The following SLC7A1 variants were observed in gnomAD, a reference collection of about 807,000 sequenced individuals.
SLC7A1 encodes the protein solute carrier family 7 member 1.
Under a neutral mutation model 53.9 loss-of-function variants are expected in SLC7A1, and 10 were observed. That is an observed-to-expected ratio of 0.19 (90% CI 0.11 to 0.31). The LOEUF (loss-of-function observed/expected upper bound fraction) is 0.31. Ranked by LOEUF, SLC7A1 falls within the 10% of genes least tolerant of loss-of-function variation. SLC7A1 has a pLI of 1.00. For synonymous variants in SLC7A1, 342 were observed against 338.7 expected (o/e 1.01, Z -0.11); for missense variants, 525 against 827.2 (o/e 0.63, Z 4.48).
chr13:29,550,659 T>TTCA (rs1870137394), intron 2 of SLC7A1, among the ~76,000 whole-genome samples: 1 of 152,108 alleles, frequency 6.6e-6, no homozygotes, highest in Admixed American at 6.5e-5. Context: ...CCTGAGGGAA[T>TTCA]GTGGAAGAGG....
chr13:29,576,582 A>T (rs1341511785), intron 1 of SLC7A1, among the ~76,000 whole-genome samples: 1 of 152,212 alleles, frequency 6.6e-6, no homozygotes, highest in East Asian at 1.9e-4. Context: ...GGGACAGGAC[A>T]GGATGTCTGG....
intron 1 of SLC7A1, among the ~76,000 whole-genome samples, chr13:29,582,765 C>A (rs1463125579): frequency 6.6e-6 from 1 of 152,138 alleles, no homozygotes; most frequent in Non-Finnish European, 1.5e-5. Flanking sequence ...TTTAAAGATA[C>A]CCACAGTATG....
At chr13:29,577,560 A>G (rs985604878) in intron 1 of SLC7A1, among the ~76,000 whole-genome samples, 1 of 152,142 alleles carries the variant, frequency 6.6e-6, no homozygotes, top group Non-Finnish European at 1.5e-5. Flanking sequence ...GGAAATCTGA[A>G]ATTTGTCTCC....
At chr13:29,561,654 T>TTTTCTGTTCAA (rs1474797163) in intron 1 of SLC7A1, among the ~76,000 whole-genome samples, 8 of 152,194 alleles carry the variant, frequency 5.3e-5, no homozygotes, top group African/African-American at 1.9e-4. Flanking sequence ...AGGAGAGTGA[T>TTTTCTGTTCAA]GGAGGACAGA....
intron 1 of SLC7A1, among the ~76,000 whole-genome samples, chr13:29,594,562 CTCT>C (rs1285662366): frequency 2.0e-5 from 3 of 152,214 alleles, no homozygotes; most frequent in Non-Finnish European, 4.4e-5. Flanking sequence ...TTTAGAATGA[CTCT>C]GACCTGCCCA....
At chr13:29,562,737 G>C (rs1197332529) in intron 1 of SLC7A1, among the ~76,000 whole-genome samples, 7 of 152,088 alleles carry the variant, frequency 4.6e-5, no homozygotes, top group Non-Finnish European at 8.8e-5. Context: ...CAATCCCTGA[G>C]GCAGCAATAA....
At chr13:29,537,423 G>C (rs1252074923) in intron 2 of SLC7A1, among the ~76,000 whole-genome samples, 2 of 152,232 alleles carry the variant, frequency 1.3e-5, no homozygotes, top group Non-Finnish European at 2.9e-5. Context: ...AGGAAAGTCT[G>C]AGAAATGTCA....
chr13:29,544,997 G>A (rs1009387358), intron 2 of SLC7A1, among the ~76,000 whole-genome samples: 1 of 151,892 alleles, frequency 6.6e-6, no homozygotes, highest in African/African-American at 2.4e-5. Flanking sequence ...AGTATTGACA[G>A]GACCACAGCA....
intron 2 of SLC7A1, among the ~76,000 whole-genome samples, chr13:29,546,686 C>G (rs1286022648): frequency 6.6e-6 from 1 of 152,202 alleles, no homozygotes; most frequent in Non-Finnish European, 1.5e-5. Flanking sequence ...ACTTCTCCCC[C>G]AGTCTCCCCA....
intron 8 of SLC7A1, among the ~76,000 whole-genome samples, chr13:29,521,701 C>T (rs1478284923): frequency 6.6e-6 from 1 of 152,176 alleles, no homozygotes; most frequent in Admixed American, 6.5e-5. Context: ...ATCTGGGGCC[C>T]TGGAACACCT....
intron 1 of SLC7A1, among the ~76,000 whole-genome samples, chr13:29,590,779 T>C (rs1047159642): frequency 1.7e-4 from 26 of 152,158 alleles, no homozygotes; most frequent in African/African-American, 4.6e-4. Context: ...CTTGGTAAAA[T>C]GAGAGAGCGA....
At chr13:29,576,095 T>C (rs888655266) in intron 1 of SLC7A1, among the ~76,000 whole-genome samples, 35 of 151,832 alleles carry the variant, frequency 2.3e-4, no homozygotes, top group Non-Finnish European at 1.0e-4. Context: ...TGAGAATAGC[T>C]TGGAGAACAT....
chr13:29,527,694 C>G (rs116051392), intron 5 of SLC7A1, among the ~76,000 whole-genome samples: 1 of 152,118 alleles, frequency 6.6e-6, no homozygotes. Flanking sequence ...CTCAGCTGGT[C>G]GCTCAGAAGC....
intron 5 of SLC7A1, among the ~76,000 whole-genome samples, chr13:29,528,492 G>A (rs749728107): frequency 1.3e-5 from 2 of 152,164 alleles, no homozygotes; most frequent in Non-Finnish European, 2.9e-5. Flanking sequence ...GTGGTCTCAC[G>A]GCCTCCCATG....
chr13:29,538,571 G>C lies in SLC7A1; in HGVS notation c.-14-2369C>G, dbSNP rs149996117. ...TGGCACTAGGGAGGAGGAGGAGCAGGAACCAAGGACCTAGTGCTGCTGGGA... is the reference window on the plus strand; with the variant it reads ...TGGCACTAGGGAGGAGGAGGAGCAGCAACCAAGGACCTAGTGCTGCTGGGA... On this transcript the variant is annotated intron_variant, in intron 2 of 12. Coordinates refer to ENST00000380752, the MANE Select transcript of SLC7A1 (RefSeq NM_003045.5). 3.3e-3 allele frequency among the ~76,000 whole-genome samples: 509 copies of C among 152,316 alleles called. 1 individual carries two copies. Among genetic ancestry groups the C allele is most frequent in the African/African-American group, 0.012 (488 of 41,568 alleles).
chr13:29,573,456 T>A (rs1293186286), intron 1 of SLC7A1, among the ~76,000 whole-genome samples: 1 of 151,868 alleles, frequency 6.6e-6, no homozygotes, highest in African/African-American at 2.4e-5. Context: ...GATGGGGAGG[T>A]GCAATTCTAG....
chr13:29,535,988 G>T lies in SLC7A1; in HGVS notation c.201C>A (p.Val67=), dbSNP rs1357698342. 6.2e-7 allele frequency: 1 copy of T among 1,614,020 alleles called. No individual in the cohort carries two copies. The highest frequency in any genetic ancestry group is 8.5e-7 in the Non-Finnish European group (1 of 1,180,048). The change falls in exon 3 of 13, where the codon GTC becomes GTA. Residue 67 remains valine (V), a synonymous_variant. Transcript: ENST00000380752. ...CCAGCGCAGCGATCAGGAAGGAGATGACAATGGCAGGGCCTGCATTCTCAC... is the reference window on the plus strand; with the variant it reads ...CCAGCGCAGCGATCAGGAAGGAGATTACAATGGCAGGGCCTGCATTCTCAC... ...VARENAGPAI[V]ISFLIAALAS...
At chr13:29,547,329 C>T (rs572198188) in intron 2 of SLC7A1, among the ~76,000 whole-genome samples, 2 of 152,306 alleles carry the variant, frequency 1.3e-5, no homozygotes, top group Admixed American at 6.5e-5. Context: ...GGAACTTTAT[C>T]TGGGACTGAG....
intron 5 of SLC7A1, among the ~76,000 whole-genome samples, chr13:29,527,862 C>T (rs1269896584): frequency 6.6e-6 from 1 of 152,230 alleles, no homozygotes; most frequent in Non-Finnish European, 1.5e-5. Flanking sequence ...TGTTCTTCTA[C>T]GTGGTAATGG....
Sources: allele counts gnomAD v4.1 joint callset (sites outside exome capture counted in the v4.1 genomes callset), GRCh38; gene constraint gnomAD v4.1.1; transcripts MANE v1.5; gene names NCBI Gene and HGNC (gene_info 2026-07-23, HGNC 2026-07-21).